The following SLC25A21 variants were observed in gnomAD, a reference collection of about 807,000 sequenced individuals.
SLC25A21 encodes the protein mitochondrial 2-oxodicarboxylate carrier.
In SLC25A21, 47 loss-of-function variants were observed where a neutral mutation model predicts 43.8. That is an observed-to-expected ratio of 1.07 (90% CI 0.85 to 1.37). The LOEUF (loss-of-function observed/expected upper bound fraction) is 1.37. Among genes scored for constraint, SLC25A21 ranks in the 40% most tolerant of loss-of-function variants. SLC25A21 has a pLI of 0.00. For synonymous variants in SLC25A21, 131 were observed against 121.3 expected (o/e 1.08, Z -0.52); for missense variants, 352 against 350.2 (o/e 1.00, Z -0.04).
intron 1 of SLC25A21, among the ~76,000 whole-genome samples, chr14:37,049,502 G>A (rs998994551): frequency 6.6e-6 from 1 of 152,102 alleles, no homozygotes; most frequent in East Asian, 1.9e-4. Context: ...AGCCCAGGGG[G>A]TCGAGGCTGC....
intron 1 of SLC25A21, among the ~76,000 whole-genome samples, chr14:37,073,745 T>C (rs965716294): frequency 6.6e-6 from 1 of 152,176 alleles, no homozygotes; most frequent in Non-Finnish European, 1.5e-5. Flanking sequence ...TTAAATGCTC[T>C]GCCAGGCACT....
intron 2 of SLC25A21, among the ~76,000 whole-genome samples, chr14:36,814,376 T>TTATCTTA (rs1888378194): frequency 6.6e-6 from 1 of 151,992 alleles, no homozygotes; most frequent in South Asian, 2.1e-4. Flanking sequence ...TGCTATTTCT[T>TTATCTTA]ATAAGTCTTC....
At chr14:36,952,606 C>A (rs968215853) in intron 1 of SLC25A21, among the ~76,000 whole-genome samples, 2 of 152,002 alleles carry the variant, frequency 1.3e-5, no homozygotes, top group South Asian at 2.1e-4. Flanking sequence ...AACTGTAGAC[C>A]GAATAAGTCT....
intron 1 of SLC25A21, among the ~76,000 whole-genome samples, chr14:37,024,904 T>C (rs950614352): frequency 2.0e-5 from 3 of 152,066 alleles, no homozygotes; most frequent in Admixed American, 6.6e-5. Flanking sequence ...ATTTAGAAAA[T>C]ACTTTCCATT....
intron 1 of SLC25A21, among the ~76,000 whole-genome samples, chr14:37,117,181 T>C (rs986331875): frequency 1.3e-5 from 2 of 152,136 alleles, no homozygotes; most frequent in Admixed American, 6.6e-5. Context: ...CTTTTGAAAT[T>C]TGGAATGCAG....
At chr14:37,005,998 A>G (rs1960595167) in intron 1 of SLC25A21, among the ~76,000 whole-genome samples, 3 of 152,198 alleles carry the variant, frequency 2.0e-5, no homozygotes, top group African/African-American at 4.8e-5. Flanking sequence ...CTTCAGAATC[A>G]TGCATACTTG....
At chr14:37,166,526 A>G (rs1028437154) in intron 1 of SLC25A21, among the ~76,000 whole-genome samples, 8 of 152,216 alleles carry the variant, frequency 5.3e-5, no homozygotes, top group African/African-American at 1.9e-4. Flanking sequence ...AGTGGGGATT[A>G]TTATAGTGCT....
intron 1 of SLC25A21, among the ~76,000 whole-genome samples, chr14:36,979,332 G>GTTTTTTT (rs1283870965): frequency 0.067 from 7,866 of 118,206 alleles, 997 homozygotes; most frequent in African/African-American, 0.23. Context: ...TGTTTTTTTG[G>GTTTTTTT]TTTTTTTTTT....
chr14:36,973,672 T>C (rs1959805450), intron 1 of SLC25A21, among the ~76,000 whole-genome samples: 1 of 152,100 alleles, frequency 6.6e-6, no homozygotes, highest in Admixed American at 6.5e-5. Flanking sequence ...AGACAATAGG[T>C]TTTTCACTAG....
At position 37,086,609 on chromosome 14, in the gene SLC25A21, T is replaced by A. The variant is rs551725246; in HGVS notation, c.70+85672A>T. 2.6e-5 allele frequency among the ~76,000 whole-genome samples: 4 copies of A among 152,330 alleles called. No homozygotes were observed. In the South Asian group the frequency reaches 8.3e-4, roughly 32 times the overall value. On this transcript the variant is annotated intron_variant, in intron 1 of 9. Transcript: ENST00000331299. ...AGAATGCCCATATTCACATCTCCAA[T>A]GTACCACTCACTAGCTGCATGACAC...
intron 7 of SLC25A21, among the ~76,000 whole-genome samples, chr14:36,700,599 G>A (rs115278234): frequency 0.018 from 2,789 of 152,248 alleles, 50 homozygotes; most frequent in African/African-American, 0.054. Flanking sequence ...ATTGCCTAGG[G>A]TCAGGCCTTT....
intron 1 of SLC25A21, among the ~76,000 whole-genome samples, chr14:36,908,275 C>T (rs1446320337): frequency 8.5e-5 from 13 of 152,212 alleles, no homozygotes; most frequent in East Asian, 1.9e-4. Context: ...TGTACTACTC[C>T]GGTATGGAAT....
At chr14:36,699,987 G>A (rs921134474) in intron 7 of SLC25A21, among the ~76,000 whole-genome samples, 6 of 152,134 alleles carry the variant, frequency 3.9e-5, no homozygotes, top group African/African-American at 1.4e-4. Flanking sequence ...AGATGAACCA[G>A]GTGCCTCAGT....
At chr14:37,110,578 A>G (rs1246920958) in intron 1 of SLC25A21, among the ~76,000 whole-genome samples, 3 of 152,140 alleles carry the variant, frequency 2.0e-5, no homozygotes, top group Non-Finnish European at 4.4e-5. Flanking sequence ...AGAGAGAGCA[A>G]TTAGGTCATT....
chr14:36,930,546 T>G (rs1014994056), intron 1 of SLC25A21, among the ~76,000 whole-genome samples: 2 of 152,282 alleles, frequency 1.3e-5, no homozygotes, highest in East Asian at 3.9e-4. Context: ...TGTAACTTCT[T>G]GTTTTGATTA....
intron 1 of SLC25A21, among the ~76,000 whole-genome samples, chr14:37,006,282 G>C (rs1960602523): frequency 6.6e-6 from 1 of 151,956 alleles, no homozygotes; most frequent in Non-Finnish European, 1.5e-5. Context: ...ATAATAGAAT[G>C]GTCATTGGCA....
intron 1 of SLC25A21, among the ~76,000 whole-genome samples, chr14:37,003,840 A>C (rs2138728438): frequency 6.6e-6 from 1 of 152,294 alleles, no homozygotes; most frequent in South Asian, 2.1e-4. Context: ...CAATTGGTAA[A>C]TATTCATCAA....
At chr14:36,853,887 T>C (rs1889819711) in intron 2 of SLC25A21, among the ~76,000 whole-genome samples, 1 of 152,244 alleles carries the variant, frequency 6.6e-6, no homozygotes, top group South Asian at 2.1e-4. Flanking sequence ...ACAGTCCATC[T>C]AGTCTCTTAT....
In SLC25A21 at chr14:36,779,457, T is replaced by TTTTA. The variant is rs200692914; in HGVS notation, c.203+34460_203+34461insTAAA. ...TCCAGGCTTTAAAAAAAAGAAGGAA[T>TTTTA]TATATATATATATATACACATATAT... On this transcript the variant is annotated intron_variant, in intron 3 of 9. Transcript: ENST00000331299. Among the ~76,000 whole-genome samples, 404 of 139,366 alleles carry TTTTA rather than the reference T, an allele frequency of 2.9e-3. 2 individuals carry two copies. The highest frequency in any genetic ancestry group is 4.6e-3 in the Non-Finnish European group (300 of 64,594). The allele number at this position is 139,366 out of a possible 152,430, so 91.4% of individuals were successfully genotyped here.
Sources: allele counts gnomAD v4.1 joint callset (sites outside exome capture counted in the v4.1 genomes callset), GRCh38; gene constraint gnomAD v4.1.1; transcripts MANE v1.5; gene names NCBI Gene and HGNC (gene_info 2026-07-23, HGNC 2026-07-21).